The following FAM151B variants were observed in gnomAD, a reference collection of about 807,000 sequenced individuals.
The protein encoded by FAM151B is protein FAM151B.
Under a neutral mutation model 31.2 loss-of-function variants are expected in FAM151B, and 24 were observed. The ratio of observed to expected loss-of-function variants is 0.77; its 90% CI spans 0.56 to 1.08. The LOEUF is 1.08. FAM151B is among the 50% of genes least tolerant of loss of function. FAM151B has a pLI of 0.00. For synonymous variants in FAM151B, 105 were observed against 111.4 expected, an observed-to-expected ratio of 0.94 and a Z score of 0.36; for missense variants, 293 against 328.6, an observed-to-expected ratio of 0.89 and a Z score of 0.84.
intron 3 of FAM151B, among the ~76,000 whole-genome samples, chr5:80,518,168 C>A (rs1195825032): frequency 6.6e-6 from 1 of 151,716 alleles, no homozygotes; most frequent in Admixed American, 6.6e-5. Context: ...ATTGAGAAAG[C>A]CTAAAAGGCT....
At chr5:80,538,525 C>CTTCCTTTCTTTTCTTTCT (rs1745700599) in intron 5 of FAM151B, among the ~76,000 whole-genome samples, 2 of 82,706 alleles carry the variant, frequency 2.4e-5, no homozygotes, top group Non-Finnish European at 4.3e-5. Flanking sequence ...TCCTTCCTTC[C>CTTCCTTTCTTTTCTTTCT]TTCCTTCCTT....
chr5:80,501,756 A>G (rs1743756588), intron 1 of FAM151B, 36 bp from the exon 2 acceptor site: 7 of 1,525,436 alleles, frequency 4.6e-6, no homozygotes, highest in African/African-American at 2.8e-5. Flanking sequence ...CCTATAAAAA[A>G]CAATATCACT....
chr5:80,519,412 T>G (rs1359793692), intron 3 of FAM151B, among the ~76,000 whole-genome samples: 1 of 152,248 alleles, frequency 6.6e-6, no homozygotes, highest in Non-Finnish European at 1.5e-5. Context: ...GATCCTAATA[T>G]GGAGTTTTGA....
At chr5:80,495,649 T>G (rs1400942096) in intron 1 of FAM151B, among the ~76,000 whole-genome samples, 1 of 151,868 alleles carries the variant, frequency 6.6e-6, no homozygotes, top group Non-Finnish European at 1.5e-5. Flanking sequence ...GCTAACACAG[T>G]GAAACCCCGT....
rs535601075 is a variant in FAM151B, at chr5:80,506,167, T to C, written c.151+4250T>C. The C allele has an allele frequency of 3.1e-6, 3 of 957,242 alleles. No individual in the cohort carries two copies. In the African/African-American group the frequency reaches 5.3e-5, roughly 17 times the overall value. The allele number at this position is 957,242 out of a possible 1,614,324, so 59.3% of individuals were successfully genotyped here. A position where few individuals can be genotyped will look rare whatever the true frequency, so the allele number is the denominator to read the frequency against. On this transcript the variant is annotated intron_variant, in intron 2 of 5. Transcript: ENST00000282226. Reference sequence around the variant, plus strand: ...ACAATAAGTTAATCAGCACTTGAAGTTTTCCTGATGATTCATATTGCTCCC... The same window carrying C: ...ACAATAAGTTAATCAGCACTTGAAGCTTTCCTGATGATTCATATTGCTCCC...
rs1454828717 is a variant in FAM151B, at chr5:80,513,655, A to T, written c.203A>T (p.Glu68Val). ...ADVLLPSDGSEHSQPIMAHPP... is the reference protein window; with the variant it reads ...ADVLLPSDGSVHSQPIMAHPP... ...GTCCTTCTTCCAAGTGATGGATCAGAACACAGCCAGCCAATTATGGCCCAT... is the reference window on the plus strand; with the variant it reads ...GTCCTTCTTCCAAGTGATGGATCAGTACACAGCCAGCCAATTATGGCCCAT... Residue 68 changes from glutamate to valine, a missense_variant, in exon 3 of 6, where the codon GAA (glutamate) becomes GTA (valine). Physicochemically the swap from Glu to Val is moderately radical, Grantham distance 121. Coordinates refer to ENST00000282226, the MANE Select transcript of FAM151B (RefSeq NM_205548.3). 6.2e-7 allele frequency: 1 copy of T among 1,614,170 alleles called. No individual in the cohort carries two copies. The highest frequency in any genetic ancestry group is 8.5e-7 in the Non-Finnish European group (1 of 1,180,030).
intron 5 of FAM151B, among the ~76,000 whole-genome samples, chr5:80,534,401 A>T (rs1745398657): frequency 6.6e-6 from 1 of 152,212 alleles, no homozygotes; most frequent in Non-Finnish European, 1.5e-5. Flanking sequence ...TAAAAAGATC[A>T]TTCATCATGA....
chr5:80,526,512 C>T (rs891842569), intron 5 of FAM151B, among the ~76,000 whole-genome samples: 4 of 151,380 alleles, frequency 2.6e-5, no homozygotes, highest in East Asian at 1.9e-4. Flanking sequence ...TCCAGCTACT[C>T]GGGAGGCTGA....
intron 5 of FAM151B, among the ~76,000 whole-genome samples, chr5:80,527,426 T>TA (rs59029512): frequency 5.4e-4 from 80 of 147,670 alleles, no homozygotes; most frequent in Middle Eastern, 3.4e-3. Flanking sequence ...CTGTCTCAAT[T>TA]AAAAAAAAAA....
At chr5:80,529,355 A>G (rs1745118932) in intron 5 of FAM151B, among the ~76,000 whole-genome samples, 2 of 152,212 alleles carry the variant, frequency 1.3e-5, no homozygotes, top group Non-Finnish European at 2.9e-5. Flanking sequence ...AACCCATTCA[A>G]AAGCTAGCAG....
chr5:80,488,540 C>T (rs1040151778), intron 1 of FAM151B, among the ~76,000 whole-genome samples: 1 of 152,216 alleles, frequency 6.6e-6, no homozygotes, highest in African/African-American at 2.4e-5. Flanking sequence ...CGGACTGGGC[C>T]GGGCCCGGCA....
At chr5:80,524,457 T>G (rs1744863301) in intron 5 of FAM151B, among the ~76,000 whole-genome samples, 1 of 152,130 alleles carries the variant, frequency 6.6e-6, no homozygotes, top group Non-Finnish European at 1.5e-5. Flanking sequence ...TGCAAGTTCA[T>G]CTACTCGTTA....
intron 3 of FAM151B, among the ~76,000 whole-genome samples, chr5:80,516,320 A>G: frequency 6.6e-6 from 1 of 152,178 alleles, no homozygotes; most frequent in East Asian, 1.9e-4. Flanking sequence ...GTGAAACGCC[A>G]TCTCAAAAAA....
At chr5:80,490,331 A>G (rs1743276053) in intron 1 of FAM151B, among the ~76,000 whole-genome samples, 1 of 152,158 alleles carries the variant, frequency 6.6e-6, no homozygotes, top group Non-Finnish European at 1.5e-5. Context: ...GAGAGGCTGC[A>G]GTGAACCAAG....
intron 5 of FAM151B, among the ~76,000 whole-genome samples, chr5:80,540,922 CT>C (rs1745855331): frequency 6.6e-6 from 1 of 152,062 alleles, no homozygotes; most frequent in African/African-American, 2.4e-5. Flanking sequence ...AGAAAAAATG[CT>C]TTGGAAATTT....
At position 80,502,064 on chromosome 5, in the gene FAM151B, T is replaced by G. The variant is rs1743770080; in HGVS notation, c.151+147T>G. The stretch of plus-strand genomic sequence containing the variant: ...ACATGAGTATTTTATTTATTTTTAT[T>G]TATTATTTAATTATTATTTATTCAT... On this transcript the variant is annotated intron_variant, in intron 2 of 5. Coordinates refer to ENST00000282226, the MANE Select transcript of FAM151B (RefSeq NM_205548.3). 1.1e-5 allele frequency: 4 copies of G among 374,866 alleles called. No individual in the cohort carries two copies. The East Asian group carries it at 2.3e-4, about 21-fold the overall frequency. The allele number at this position is 374,866 out of a possible 1,614,324, so 23.2% of individuals were successfully genotyped here.
intron 2 of FAM151B, among the ~76,000 whole-genome samples, chr5:80,505,394 C>CTTT (rs1001261424): frequency 4.4e-5 from 6 of 137,496 alleles, no homozygotes; most frequent in African/African-American, 8.7e-5. Context: ...CCATTGAGTT[C>CTTT]TTTTTTTTTT....
chr5:80,527,709 C>T (rs781622644), intron 5 of FAM151B, among the ~76,000 whole-genome samples: 5 of 152,014 alleles, frequency 3.3e-5, no homozygotes, highest in South Asian at 2.1e-4. Flanking sequence ...TTACCATTTC[C>T]GGAGCTTGCA....
At chr5:80,528,037 T>C (rs1745049388) in intron 5 of FAM151B, among the ~76,000 whole-genome samples, 1 of 152,198 alleles carries the variant, frequency 6.6e-6, no homozygotes, top group Admixed American at 6.5e-5. Flanking sequence ...TTTACTTTTT[T>C]TAAACTTTTA....
Sources: gnomAD v4.1 joint callset for allele counts (sites outside exome capture counted in the v4.1 genomes callset) on GRCh38, gnomAD v4.1.1 for gene constraint, MANE v1.5 for transcripts, NCBI Gene and HGNC (gene_info 2026-07-23, HGNC 2026-07-21) for gene names.